The following NEDD4 variants were observed in gnomAD, a reference collection of about 807,000 sequenced individuals.
The protein encoded by NEDD4 is E3 ubiquitin-protein ligase NEDD4.
Under a neutral mutation model 144.9 loss-of-function variants are expected in NEDD4, and 99 were observed. The observed-to-expected ratio is 0.68, with a 90% CI of 0.58 to 0.81. NEDD4 has a LOEUF of 0.81. Ranked by LOEUF, NEDD4 falls within the 30% of genes least tolerant of loss-of-function variation. The pLI, the probability that NEDD4 is intolerant of heterozygous loss-of-function variation, is 0.00. For missense variants in NEDD4, 985 were observed against 1,065.9 expected (o/e 0.92, Z 1.06); for synonymous variants, 318 against 350.6 (o/e 0.91, Z 1.04).
Position 55,863,130 on chromosome 15 carries a change from T to C in NEDD4, c.508-51A>G, listed in dbSNP as rs1232674338. The C allele has an allele frequency of 2.8e-6, 4 of 1,434,322 alleles. No individual in the cohort carries two copies. In the South Asian group the frequency reaches 6.1e-5, roughly 22 times the overall value. 88.8% of individuals were successfully genotyped at this position (1,434,322 alleles called of 1,614,324 possible). A position where few individuals can be genotyped will look rare whatever the true frequency, so the allele number is the denominator to read the frequency against. ...AGTTTACGCATGATTTTTTTAACTT[T>C]CTAAATTATATGCTAAAGGAAATTT... On this transcript the variant is annotated intron_variant, in intron 8 of 28. Transcript: ENST00000435532.
intron 4 of NEDD4, among the ~76,000 whole-genome samples, chr15:55,942,845 A>T (rs1034921392): frequency 7.2e-5 from 11 of 152,234 alleles, no homozygotes; most frequent in African/African-American, 2.7e-4. Context: ...AAGGAGGATG[A>T]TGGAAAGATA....
chr15:55,993,242 T>G (rs2038016486), intron 1 of NEDD4, among the ~76,000 whole-genome samples: 1 of 152,118 alleles, frequency 6.6e-6, no homozygotes, highest in Non-Finnish European at 1.5e-5. Context: ...CAACACTTCC[T>G]GAAGGAAACT....
At chr15:55,944,939 C>T (rs920291190) in intron 4 of NEDD4, among the ~76,000 whole-genome samples, 8 of 152,058 alleles carry the variant, frequency 5.3e-5, no homozygotes, top group African/African-American at 1.9e-4. Context: ...AGACGGAAAA[C>T]TAACAAACAC....
In NEDD4 at chr15:55,837,846, A is replaced by G. The variant is rs1389791299; in HGVS notation, c.2205T>C (p.Leu735=). The change falls in exon 24 of 29, where the codon CTT becomes CTC. Residue 735 remains leucine (L), a synonymous_variant. Coordinates refer to ENST00000435532, the MANE Select transcript of NEDD4 (RefSeq NM_006154.4). ...TNKNKKEYIY[L]VIQWRFVNRI... ...GGTTTACAAATCGCCATTGTATTAC[A>G]AGACTAAAAAGAAACAACATTTCAT... 1 of 1,607,328 alleles carries G rather than the reference A, an allele frequency of 6.2e-7. No homozygotes were observed. The highest frequency in any genetic ancestry group is 8.5e-7 in the Non-Finnish European group (1 of 1,175,814).
chr15:55,834,258 A>C lies in NEDD4; in HGVS notation c.2291T>G (p.Leu764Arg). Residue 764 changes from leucine (L) to arginine (R), a missense_variant, in exon 25 of 29, where the codon CTC (leucine) becomes CGC (arginine). By Grantham distance (102) the Leu-to-Arg change is moderately radical. Coordinates refer to ENST00000435532, the MANE Select transcript of NEDD4 (RefSeq NM_006154.4). Reference sequence around the variant, plus strand: ...TTCATTTTCATCAAAAATTTTGATGAGATCCTGTGGTATTAGTTCAAAGAA... The same window carrying C: ...TTCATTTTCATCAAAAATTTTGATGCGATCCTGTGGTATTAGTTCAAAGAA... Reference protein sequence around the residue: ...EGFFELIPQDLIKIFDENELE... With the variant: ...EGFFELIPQDRIKIFDENELE... The C allele has an allele frequency of 1.9e-6, 3 of 1,609,746 alleles. No individual in the cohort carries two copies. The highest frequency in any genetic ancestry group is 2.6e-6 in the Non-Finnish European group (3 of 1,176,166).
At chr15:55,908,791 G>C (rs1483861564) in intron 5 of NEDD4, among the ~76,000 whole-genome samples, 5 of 152,164 alleles carry the variant, frequency 3.3e-5, no homozygotes, top group Non-Finnish European at 7.3e-5. Flanking sequence ...TGTAGTCCCA[G>C]CTACACAGGA....
At chr15:55,863,280 C>A (rs2034471848) in intron 8 of NEDD4, among the ~76,000 whole-genome samples, 1 of 151,986 alleles carries the variant, frequency 6.6e-6, no homozygotes, top group African/African-American at 2.4e-5. Context: ...AAATGATAAC[C>A]ATTTAAATTT....
At chr15:55,903,146 G>A (rs1364271060) in intron 5 of NEDD4, among the ~76,000 whole-genome samples, 1 of 152,170 alleles carries the variant, frequency 6.6e-6, no homozygotes, top group African/African-American at 2.4e-5. Flanking sequence ...ATTCTTCAGA[G>A]TGTAAACATT....
chr15:55,944,786 C>T lies in NEDD4; in HGVS notation c.237+6590G>A, dbSNP rs1004286308. 5.3e-5 allele frequency among the ~76,000 whole-genome samples: 8 copies of T among 152,130 alleles called. 1 individual carries two copies. In the South Asian group the frequency reaches 1.0e-3, roughly 20 times the overall value. On this transcript the variant is annotated intron_variant, in intron 4 of 28. Transcript: ENST00000435532. Reference sequence around the variant, plus strand: ...AGGTGCCCCTCTGGGACAAAGCTTCCAGAGGAAGGATGAGGCAGCAATATT... The same window carrying T: ...AGGTGCCCCTCTGGGACAAAGCTTCTAGAGGAAGGATGAGGCAGCAATATT...
At chr15:55,989,563 G>A (rs2037955221) in intron 1 of NEDD4, among the ~76,000 whole-genome samples, 1 of 152,210 alleles carries the variant, frequency 6.6e-6, no homozygotes, top group African/African-American at 2.4e-5. Context: ...CTTATGCACT[G>A]TTGTGGCTGC....
chr15:55,860,784 T>C lies in NEDD4; in HGVS notation c.675-6A>G, dbSNP rs965381254. Reference sequence around the variant, plus strand: ...CAGCATCTGTTAGGTTGTCCCTATATTGGAAGTATAAAAAGCCATCATCCA... The same window carrying C: ...CAGCATCTGTTAGGTTGTCCCTATACTGGAAGTATAAAAAGCCATCATCCA... On this transcript the variant is annotated splice_region_variant and splice_polypyrimidine_tract_variant and intron_variant, in intron 9 of 28. Transcript: ENST00000435532. 17 of 1,612,092 alleles carry C rather than the reference T, an allele frequency of 1.1e-5. No individual in the cohort carries two copies. The highest frequency in any genetic ancestry group is 2.2e-5 in the East Asian group (1 of 44,864).
intron 5 of NEDD4, among the ~76,000 whole-genome samples, chr15:55,901,210 T>C (rs1275975308): frequency 1.3e-5 from 2 of 152,118 alleles, no homozygotes; most frequent in African/African-American, 4.8e-5. Context: ...TCTTAACTAT[T>C]GAGAGCTCTG....
intron 2 of NEDD4, among the ~76,000 whole-genome samples, chr15:55,954,475 C>CA (rs2037300977): frequency 1.3e-5 from 2 of 151,906 alleles, no homozygotes; most frequent in African/African-American, 4.8e-5. Flanking sequence ...ATCTCACCAT[C>CA]CAGCTAAACA....
In NEDD4 at chr15:55,829,467, AAATG is replaced by A. The variant is rs1378830300; in HGVS notation, c.*426_*429del. 6.5e-6 allele frequency: 1 copy of A among 154,734 alleles called. No homozygotes were observed. The highest frequency in any genetic ancestry group is 2.4e-5 in the African/African-American group (1 of 41,454). The allele number at this position is 154,734 out of a possible 1,614,324, so 9.6% of individuals were successfully genotyped here. On this transcript the variant is annotated 3_prime_UTR_variant, in exon 29 of 29. Transcript: ENST00000435532. ...TTCCAAATTTCAGTTTTCCATCTCA[AAATG>A]CATCAAACTTTTCACACATGACACG...
intron 2 of NEDD4, among the ~76,000 whole-genome samples, chr15:55,956,629 T>A (rs1004005723): frequency 7.2e-5 from 11 of 152,174 alleles, no homozygotes; most frequent in Non-Finnish European, 1.2e-4. Context: ...CACACACACA[T>A]GCGCATGTAT....
chr15:55,923,659 A>AAAATATATATAT lies in NEDD4; in HGVS notation c.291+986_291+987insATATATATATTT, dbSNP rs546642962. On this transcript the variant is annotated intron_variant, in intron 5 of 28. Transcript: ENST00000435532. ...AGACTCCATCTCAAAAAAAAAAAAA[A>AAAATATATATAT]ATATATATATATATAGCAAGTCAGT... Among the ~76,000 whole-genome samples, 241 of 135,228 alleles carry AAAATATATATAT rather than the reference A, an allele frequency of 1.8e-3. 1 individual carries two copies. Among genetic ancestry groups the AAAATATATATAT allele is most frequent in the African/African-American group, 6.3e-3 (227 of 35,902 alleles). The allele number at this position is 135,228 out of a possible 152,430, so 88.7% of individuals were successfully genotyped here.
intron 2 of NEDD4, among the ~76,000 whole-genome samples, chr15:55,952,239 C>T (rs572623448): frequency 1.7e-3 from 254 of 151,928 alleles, no homozygotes; most frequent in Non-Finnish European, 2.9e-3. Context: ...GAGGCTGAGG[C>T]AGGAGAATGG....
At chr15:55,877,595 A>C (rs1489361738) in intron 5 of NEDD4, among the ~76,000 whole-genome samples, 1 of 152,188 alleles carries the variant, frequency 6.6e-6, no homozygotes, top group African/African-American at 2.4e-5. Context: ...ATTTCTCATC[A>C]AACTTTTTCT....
chr15:55,915,272 A>G, intron 5 of NEDD4: 11 of 1,545,016 alleles, frequency 7.1e-6, no homozygotes, highest in Non-Finnish European at 9.6e-6. Flanking sequence ...ACCAAGACCA[A>G]AGGAAACTTA....
Sources: gnomAD v4.1 joint callset for allele counts (sites outside exome capture counted in the v4.1 genomes callset) on GRCh38, gnomAD v4.1.1 for gene constraint, MANE v1.5 for transcripts, NCBI Gene and HGNC (gene_info 2026-07-23, HGNC 2026-07-21) for gene names.